ELAPOR2: variants seen among roughly 807,000 people sequenced by gnomAD.
ELAPOR2 encodes endosome-lysosome associated apoptosis and autophagy regulator family member 2.
ELAPOR2 carries 89 observed loss-of-function variants against 120.7 expected under a neutral mutation model. The observed-to-expected ratio is 0.74, with a 90% CI of 0.62 to 0.88. The LOEUF is 0.88. Among genes scored for constraint, ELAPOR2 ranks in the 40% least tolerant of loss-of-function variants. The probability of loss-of-function intolerance (pLI) is 0.00; values close to 1 mark genes in which losing one functional copy is unlikely to be tolerated. For synonymous variants in ELAPOR2, 444 were observed against 444.9 expected (o/e 1.00, Z 0.03); for missense variants, 1,134 against 1,251.6 (o/e 0.91, Z 1.42).
chr7:87,032,660 G>A (rs1027418751), intron 1 of ELAPOR2, among the ~76,000 whole-genome samples: 21 of 152,160 alleles, frequency 1.4e-4, no homozygotes, highest in African/African-American at 4.3e-4. Context: ...TACCTATCAT[G>A]TGCTTCTTCA....
At chr7:86,889,163 A>G (rs1169307891) in intron 21 of ELAPOR2, among the ~76,000 whole-genome samples, 1 of 152,100 alleles carries the variant, frequency 6.6e-6, no homozygotes, top group Non-Finnish European at 1.5e-5. Context: ...CTCACTGTCC[A>G]TACATTGTTA....
intron 1 of ELAPOR2, among the ~76,000 whole-genome samples, chr7:87,037,205 A>T (rs1794615853): frequency 6.6e-6 from 1 of 151,890 alleles, no homozygotes; most frequent in African/African-American, 2.4e-5. Flanking sequence ...AATGGCTTCA[A>T]TTACCTCTTA....
At chr7:86,981,347 G>A (rs1405292443) in intron 1 of ELAPOR2, among the ~76,000 whole-genome samples, 1 of 151,886 alleles carries the variant, frequency 6.6e-6, no homozygotes, top group Admixed American at 6.6e-5. Flanking sequence ...ACTAGTCTGG[G>A]CTCACTAACT....
chr7:86,988,610 G>A (rs1034205859), intron 1 of ELAPOR2, among the ~76,000 whole-genome samples: 1 of 152,138 alleles, frequency 6.6e-6, no homozygotes, highest in Non-Finnish European at 1.5e-5. Flanking sequence ...TGAGAAACAA[G>A]TGTATCCTAG....
At chr7:86,909,003 T>C (rs375133447) in intron 16 of ELAPOR2, among the ~76,000 whole-genome samples, 99 of 152,184 alleles carry the variant, frequency 6.5e-4, no homozygotes, top group African/African-American at 2.3e-3. Context: ...AAAATAACTC[T>C]GAAATTTGCT....
intron 10 of ELAPOR2, among the ~76,000 whole-genome samples, chr7:86,924,693 T>C (rs989185238): frequency 3.3e-5 from 5 of 152,032 alleles, no homozygotes; most frequent in Non-Finnish European, 4.4e-5. Flanking sequence ...CAAAAACCTA[T>C]TATTTGTCAA....
rs1181352325 is a variant in ELAPOR2, at chr7:86,912,964, C to T, written c.1972G>A (p.Gly658Arg). ...VYGKEACIPC[G>R]PGSKNNQDHS... is the part of the protein sequence containing the mutation. The stretch of plus-strand genomic sequence containing the variant: ...ACCTGATTGTTTTTACTCCCAGGCC[C>T]GCATGGAATACAAGCCTCTTTGCCA... Residue 658 changes from glycine (G) to arginine (R), a missense_variant, in exon 14 of 22, where the codon GGG (glycine) becomes AGG (arginine). Physicochemically the swap from Gly to Arg is moderately radical, Grantham distance 125. This residue lies in a region of ELAPOR2 where 831 missense variants were observed against 867.6 expected (regional missense o/e 0.96). Transcript: ENST00000450689. 8 of 1,613,872 alleles carry T rather than the reference C, an allele frequency of 5.0e-6. No homozygotes were observed. The highest frequency in any genetic ancestry group is 4.5e-5 in the East Asian group (2 of 44,854).
At chr7:86,961,014 T>A (rs544674071) in intron 2 of ELAPOR2, among the ~76,000 whole-genome samples, 1 of 152,270 alleles carries the variant, frequency 6.6e-6, no homozygotes, top group Non-Finnish European at 1.5e-5. Flanking sequence ...TATATAAAAG[T>A]CATGTTTGAA....
At chr7:86,883,898 AG>A (rs1799558557) in intron 21 of ELAPOR2, among the ~76,000 whole-genome samples, 1 of 152,174 alleles carries the variant, frequency 6.6e-6, no homozygotes. Context: ...AACAAACTTA[AG>A]TATTGAATTA....
intron 2 of ELAPOR2, among the ~76,000 whole-genome samples, chr7:86,962,674 C>CT (rs1562945938): frequency 1.3e-5 from 2 of 152,126 alleles, no homozygotes. Context: ...GTGTGAGTTT[C>CT]TTTTTTAATA....
At chr7:87,041,393 C>G (rs1009071209) in intron 1 of ELAPOR2, among the ~76,000 whole-genome samples, 6 of 152,032 alleles carry the variant, frequency 3.9e-5, no homozygotes, top group African/African-American at 1.5e-4. Flanking sequence ...AAGGGAAGCC[C>G]ATCAGACTAA....
intron 1 of ELAPOR2, among the ~76,000 whole-genome samples, chr7:86,982,442 C>T (rs909232125): frequency 1.3e-5 from 2 of 152,156 alleles, no homozygotes; most frequent in African/African-American, 2.4e-5. Context: ...GGTGGGTGCC[C>T]CTCTGGGATG....
intron 1 of ELAPOR2, among the ~76,000 whole-genome samples, chr7:87,012,066 T>C (rs1307233817): frequency 3.9e-5 from 6 of 152,210 alleles, no homozygotes; most frequent in Non-Finnish European, 2.9e-5. Flanking sequence ...CTAAATCCAA[T>C]GTGTATTTTA....
rs111566992 is a variant in ELAPOR2 at position 87,039,605 on chromosome 7, C to T, written c.189+19720G>A. On this transcript the variant is annotated intron_variant, in intron 1 of 21. Transcript: ENST00000450689. ...TGGGATGCAAGGATAATTCAACATA[C>T]GCAAATAAATCAATGTGATACATTG... Among the ~76,000 whole-genome samples, 1,251 of 152,118 alleles carry T rather than the reference C, an allele frequency of 8.2e-3. 19 individuals carry two copies. Among genetic ancestry groups the T allele is most frequent in the African/African-American group, 0.029 (1,198 of 41,498 alleles).
At chr7:86,907,171 G>C (rs915717584) in intron 18 of ELAPOR2, among the ~76,000 whole-genome samples, 1 of 152,004 alleles carries the variant, frequency 6.6e-6, no homozygotes, top group Admixed American at 6.6e-5. Context: ...TGGTGATTCT[G>C]CCACCATTAA....
intron 1 of ELAPOR2, among the ~76,000 whole-genome samples, chr7:87,009,588 G>A (rs759427376): frequency 6.6e-6 from 1 of 152,156 alleles, no homozygotes; most frequent in Non-Finnish European, 1.5e-5. Context: ...GTGAAATAAT[G>A]GCTATTTCAA....
chr7:86,996,915 T>G (rs1330663093), intron 1 of ELAPOR2, among the ~76,000 whole-genome samples: 3 of 152,196 alleles, frequency 2.0e-5, no homozygotes, highest in Non-Finnish European at 4.4e-5. Flanking sequence ...AGTCAGAAGT[T>G]TTGATTGACT....
intron 1 of ELAPOR2, among the ~76,000 whole-genome samples, chr7:87,040,246 G>C (rs1194216442): frequency 6.6e-6 from 1 of 152,270 alleles, no homozygotes; most frequent in African/African-American, 2.4e-5. Flanking sequence ...CAGCCGGAAA[G>C]CTCGAACTGG....
At position 86,913,956 on chromosome 7, in the gene ELAPOR2, C is replaced by T. The variant is rs116251613; in HGVS notation, c.1732-752G>A. ...AAGGAAAGATTCCACAGCATGTTCA[C>T]GCCCCACAGGATGGTTATCTTAACC... On this transcript the variant is annotated intron_variant, in intron 13 of 21. Coordinates refer to ENST00000450689, the MANE Select transcript of ELAPOR2 (RefSeq NM_001142749.3). 6.3e-3 allele frequency among the ~76,000 whole-genome samples: 963 copies of T among 152,274 alleles called. 11 individuals are homozygous for T. Among genetic ancestry groups the T allele is most frequent in the African/African-American group, 0.021 (871 of 41,544 alleles).
Sources: gnomAD v4.1 joint callset for allele counts (sites outside exome capture counted in the v4.1 genomes callset) on GRCh38, gnomAD v4.1.1 for gene constraint, gnomAD v4.1.1 regional missense constraint, MANE v1.5 for transcripts, NCBI Gene and HGNC (gene_info 2026-07-23, HGNC 2026-07-21) for gene names.